The following DOCK7 variants were observed in gnomAD, a reference collection of about 807,000 sequenced individuals.
DOCK7 encodes dedicator of cytokinesis protein 7.
In DOCK7, 138 loss-of-function variants were observed where a neutral mutation model predicts 271.0. The observed-to-expected ratio is 0.51, with a 90% confidence interval of 0.44 to 0.59. DOCK7 has a LOEUF of 0.59. DOCK7 is among the 20% of genes least tolerant of loss of function. The pLI is 0.00. For missense variants in DOCK7, 2,066 were observed against 2,592.4 expected (o/e 0.80, Z 4.41); for synonymous variants, 823 against 876.1 (o/e 0.94, Z 1.07).
rs569314586 is a variant in DOCK7, at chr1:62,658,366, A to C, written c.145-4207T>G. 6.9e-4 allele frequency among the ~76,000 whole-genome samples: 105 copies of C among 152,110 alleles called. No individual in the cohort carries two copies. The South Asian group carries it at 0.021, about 31-fold the overall frequency. Reference sequence around the variant, plus strand: ...CTACTCGGGAGGCTGCGGCATGAGAATCGCTTGAATCTGCCTCCAGGAGGC... The same window carrying C: ...CTACTCGGGAGGCTGCGGCATGAGACTCGCTTGAATCTGCCTCCAGGAGGC... On this transcript the variant is annotated intron_variant, in intron 2 of 49. Transcript: ENST00000635253.
chr1:62,560,297 C>T (rs575626495), intron 19 of DOCK7, among the ~76,000 whole-genome samples: 1 of 152,254 alleles, frequency 6.6e-6, no homozygotes, highest in Admixed American at 6.5e-5. Context: ...TAAATACTTG[C>T]TTCTTCTCCC....
At chr1:62,650,634 C>G (rs1044118875) in intron 4 of DOCK7, among the ~76,000 whole-genome samples, 7 of 152,012 alleles carry the variant, frequency 4.6e-5, no homozygotes, top group Non-Finnish European at 7.4e-5. Context: ...AGTGGGCAAA[C>G]GATATGAACA....
chr1:62,456,822 G>A (rs1181554864), intron 49 of DOCK7, among the ~76,000 whole-genome samples: 1 of 151,998 alleles, frequency 6.6e-6, no homozygotes, highest in African/African-American at 2.4e-5. Flanking sequence ...GCAGCAAGAA[G>A]GAAAAACTTT....
chr1:62,520,414 A>C (rs1644811171), intron 31 of DOCK7, among the ~76,000 whole-genome samples: 2 of 152,328 alleles, frequency 1.3e-5, no homozygotes, highest in Admixed American at 6.5e-5. Context: ...AGGAAAAAAC[A>C]ACCCCACCAA....
intron 1 of DOCK7, among the ~76,000 whole-genome samples, chr1:62,680,423 AC>A (rs1206768925): frequency 6.6e-6 from 1 of 151,972 alleles, no homozygotes; most frequent in African/African-American, 2.4e-5. Context: ...TAAACCTAAA[AC>A]CATAAAAACC....
intron 1 of DOCK7, among the ~76,000 whole-genome samples, chr1:62,664,594 T>G (rs1458423845): frequency 6.6e-6 from 1 of 152,136 alleles, no homozygotes; most frequent in Non-Finnish European, 1.5e-5. Flanking sequence ...TTTCGGACAA[T>G]GAAACTTTTA....
At chr1:62,682,350 G>T (rs1398395210) in intron 1 of DOCK7, among the ~76,000 whole-genome samples, 1 of 152,158 alleles carries the variant, frequency 6.6e-6, no homozygotes, top group East Asian at 1.9e-4. Context: ...AGCTTTCTAT[G>T]GTCACCTAGA....
chr1:62,657,830 A>C (rs570078404), intron 2 of DOCK7, among the ~76,000 whole-genome samples: 12 of 152,194 alleles, frequency 7.9e-5, no homozygotes, highest in African/African-American at 2.9e-4. Flanking sequence ...AAGAAAGAAA[A>C]ATAGAAATTA....
At chr1:62,545,985 T>G (rs1042463409) in intron 22 of DOCK7, among the ~76,000 whole-genome samples, 1 of 152,122 alleles carries the variant, frequency 6.6e-6, no homozygotes, top group Non-Finnish European at 1.5e-5. Flanking sequence ...TGGAGCAAGT[T>G]GTAAAAGATT....
intron 48 of DOCK7, among the ~76,000 whole-genome samples, chr1:62,466,255 G>GA (rs908589753): frequency 1.8e-4 from 27 of 149,340 alleles, no homozygotes; most frequent in East Asian, 1.8e-3. Context: ...GCCCTATTTA[G>GA]AAAAAAAAAT....
chr1:62,583,636 C>T (rs1647207089), intron 15 of DOCK7, among the ~76,000 whole-genome samples: 1 of 152,064 alleles, frequency 6.6e-6, no homozygotes, highest in Non-Finnish European at 1.5e-5. Flanking sequence ...AAATTGTTGG[C>T]TTCAACACTA....
intron 37 of DOCK7, 42 bp downstream of exon 37, chr1:62,504,588 T>C (rs768670973): frequency 6.3e-7 from 1 of 1,577,100 alleles, no homozygotes; most frequent in Admixed American, 1.9e-5. Context: ...AGAAGTTATA[T>C]TTCATTATGA....
intron 18 of DOCK7, among the ~76,000 whole-genome samples, chr1:62,568,444 G>T (rs1227991121): frequency 1.4e-5 from 2 of 147,746 alleles, no homozygotes; most frequent in Non-Finnish European, 3.0e-5. Flanking sequence ...GGCATTACAG[G>T]CACGTGCCAC....
chr1:62,549,130 A>G (rs1040547804), intron 22 of DOCK7, among the ~76,000 whole-genome samples: 4 of 152,172 alleles, frequency 2.6e-5, no homozygotes, highest in African/African-American at 9.7e-5. Flanking sequence ...AGAATCCACA[A>G]AGACTGAAAA....
At chr1:62,671,804 A>T (rs1001023855) in intron 1 of DOCK7, among the ~76,000 whole-genome samples, 1 of 152,088 alleles carries the variant, frequency 6.6e-6, no homozygotes, top group East Asian at 1.9e-4. Context: ...TTTAAAAACA[A>T]TTTTTTTAAC....
chr1:62,595,291 G>A (rs980777380), intron 14 of DOCK7, among the ~76,000 whole-genome samples: 5 of 152,058 alleles, frequency 3.3e-5, no homozygotes, highest in Non-Finnish European at 5.9e-5. Flanking sequence ...TACAAAAATG[G>A]CTAATATATA....
At chr1:62,508,454 T>C (rs1644379280) in intron 34 of DOCK7, among the ~76,000 whole-genome samples, 1 of 152,228 alleles carries the variant, frequency 6.6e-6, no homozygotes. Context: ...ATTTCCAATG[T>C]CTGTATTCAG....
At chr1:62,678,629 G>T (rs1481704137) in intron 1 of DOCK7, among the ~76,000 whole-genome samples, 1 of 152,130 alleles carries the variant, frequency 6.6e-6, no homozygotes, top group Non-Finnish European at 1.5e-5. Flanking sequence ...TTTGGGTTCA[G>T]GGAGTTTTGT....
chr1:62,560,050 T>C (rs1251507139), intron 19 of DOCK7, among the ~76,000 whole-genome samples: 4 of 152,186 alleles, frequency 2.6e-5, no homozygotes, highest in Admixed American at 1.3e-4. Context: ...GTGATTCCAC[T>C]GGGAGAGGAT....
Sources: gnomAD v4.1 joint callset for allele counts (sites outside exome capture counted in the v4.1 genomes callset) on GRCh38, gnomAD v4.1.1 for gene constraint, MANE v1.5 for transcripts, NCBI Gene and HGNC (gene_info 2026-07-23, HGNC 2026-07-21) for gene names.